ZNF146: variants seen among roughly 807,000 people sequenced by gnomAD.
ZNF146 encodes zinc finger protein OZF.
A neutral mutation model predicts 22.2 loss-of-function variants in ZNF146; 9 were observed. The ratio of observed to expected loss-of-function variants is 0.41; its 90% CI spans 0.24 to 0.71. The LOEUF is 0.71. ZNF146 is among the 30% of genes least tolerant of loss of function. The pLI is 0.34. For missense variants in ZNF146, 194 were observed against 344.8 expected (o/e 0.56, Z 3.46); for synonymous variants, 108 against 119.2 (o/e 0.91, Z 0.61).
At chr19:36,220,886 C>G (rs948965400) in intron 2 of ZNF146, among the ~76,000 whole-genome samples, 4 of 140,922 alleles carry the variant, frequency 2.8e-5, no homozygotes, top group African/African-American at 1.1e-4. Context: ...TTGTCTTACT[C>G]TTTTGCCCAG....
intron 3 of ZNF146, among the ~76,000 whole-genome samples, chr19:36,230,674 C>A (rs1012639856): frequency 2.6e-5 from 4 of 152,092 alleles, no homozygotes; most frequent in Non-Finnish European, 4.4e-5. Context: ...TGATCAGGGC[C>A]GTGGGCTGGA....
In ZNF146 at chr19:36,223,554, G is replaced by A. The variant is rs377603089; in HGVS notation, c.-854-5194G>A. 6.6e-5 allele frequency among the ~76,000 whole-genome samples: 10 copies of A among 151,908 alleles called. 1 individual carries two copies. In the East Asian group the frequency reaches 2.0e-3, roughly 30 times the overall value. ...ATTTTTTCGTATTTTTAGTAGAGAC[G>A]GGGTTTCACCATGTTAGCCAGGATG... On this transcript the variant is annotated intron_variant, in intron 2 of 3. Transcript: ENST00000443387.
Position 36,221,449 on chromosome 19 carries a change from C to T in ZNF146, c.-855+3254C>T, listed in dbSNP as rs185699201. On this transcript the variant is annotated intron_variant, in intron 2 of 3. Coordinates refer to ENST00000443387, the MANE Select transcript of ZNF146 (RefSeq NM_007145.3). ...GACTATAGGTGTCAGCCACCACGCCCGGCTAATTTTTTGTATTTTTAGTAG... is the reference window on the plus strand; with the variant it reads ...GACTATAGGTGTCAGCCACCACGCCTGGCTAATTTTTTGTATTTTTAGTAG... 2.6e-3 allele frequency among the ~76,000 whole-genome samples: 400 copies of T among 151,968 alleles called. 4 individuals are homozygous for T. Among genetic ancestry groups the T allele is most frequent in the African/African-American group, 8.8e-3 (364 of 41,434 alleles).
At chr19:36,231,478 G>A (rs1977368507) in intron 3 of ZNF146, among the ~76,000 whole-genome samples, 1 of 152,124 alleles carries the variant, frequency 6.6e-6, no homozygotes, top group Non-Finnish European at 1.5e-5. Context: ...CAAAGTGCTA[G>A]GATTACAGGC....
At chr19:36,222,309 A>G (rs1386702870) in intron 2 of ZNF146, among the ~76,000 whole-genome samples, 2 of 152,144 alleles carry the variant, frequency 1.3e-5, no homozygotes, top group East Asian at 1.9e-4. Flanking sequence ...TGGATGCACC[A>G]TGGTTGATTC....
chr19:36,232,288 A>G (rs1977415717), intron 3 of ZNF146, among the ~76,000 whole-genome samples: 1 of 151,396 alleles, frequency 6.6e-6, no homozygotes, highest in Admixed American at 6.6e-5. Flanking sequence ...GCCTTTGATT[A>G]TGAAATATTC....
At chr19:36,233,916 G>GGTGTCGGACTGGGGGAC (rs376607392) in intron 3 of ZNF146, among the ~76,000 whole-genome samples, 4,174 of 152,130 alleles carry the variant, frequency 0.027, 162 homozygotes, top group African/African-American at 0.094. Context: ...ACCCTTTACG[G>GGTGTCGGACTGGGGGAC]GTGTCGGACT....
At chr19:36,231,696 G>C (rs1977377045) in intron 3 of ZNF146, among the ~76,000 whole-genome samples, 2 of 152,084 alleles carry the variant, frequency 1.3e-5, no homozygotes, top group African/African-American at 4.8e-5. Flanking sequence ...GATTACCTCA[G>C]ACCAGTTTCA....
At chr19:36,232,975 G>C (rs2918377) in intron 3 of ZNF146, among the ~76,000 whole-genome samples, 96,542 of 152,034 alleles carry the variant, frequency 0.64, 30,856 homozygotes, top group Middle Eastern at 0.71. Flanking sequence ...CATGTGGATT[G>C]AATAATTAAT....
chr19:36,214,777 C>CTCTTATCTCT, upstream of ZNF146: 1 of 152,788 alleles, frequency 6.5e-6, no homozygotes, highest in South Asian at 2.1e-4. Context: ...ATCTCTGAGT[C>CTCTTATCTCT]GGGGCCTGGC....
chr19:36,222,218 C>G (rs572470896), intron 2 of ZNF146, among the ~76,000 whole-genome samples: 1 of 152,224 alleles, frequency 6.6e-6, no homozygotes, highest in Non-Finnish European at 1.5e-5. Flanking sequence ...GCCACTGCAC[C>G]CAGCCAAGGT....
chr19:36,221,642 T>C (rs1185849599), intron 2 of ZNF146, among the ~76,000 whole-genome samples: 2 of 152,176 alleles, frequency 1.3e-5, no homozygotes, highest in Non-Finnish European at 2.9e-5. Context: ...AGTAATGCAT[T>C]TCTGTGATTC....
In ZNF146 at chr19:36,218,443, G is replaced by C. The variant is rs937288135; in HGVS notation, c.-855+248G>C. Among the ~76,000 whole-genome samples the C allele has an allele frequency of 2.0e-5, 3 of 151,704 alleles. No individual in the cohort carries two copies. In the East Asian group the frequency reaches 5.8e-4, roughly 29 times the overall value. On this transcript the variant is annotated intron_variant, in intron 2 of 3. Transcript: ENST00000443387. Reference sequence around the variant, plus strand: ...CTGGTAGGAATTTCTGAAAGAATAAGATATGTAGATGCACTTTTGTTATTA... The same window carrying C: ...CTGGTAGGAATTTCTGAAAGAATAACATATGTAGATGCACTTTTGTTATTA...
At chr19:36,223,598 C>G (rs185372488) in intron 2 of ZNF146, among the ~76,000 whole-genome samples, 1 of 151,968 alleles carries the variant, frequency 6.6e-6, no homozygotes, top group Non-Finnish European at 1.5e-5. Flanking sequence ...CTCCTGACCT[C>G]GTGATCCGCC....
chr19:36,223,155 G>A (rs1205714245), intron 2 of ZNF146, among the ~76,000 whole-genome samples: 6 of 151,718 alleles, frequency 4.0e-5, no homozygotes, highest in East Asian at 4.0e-4. Flanking sequence ...GATGGCTCAC[G>A]CCTGTAATCC....
At position 36,237,362 on chromosome 19, in the gene ZNF146, A is replaced by G. The variant is rs769421161; in HGVS notation, c.*43A>G. The G allele has an allele frequency of 5.8e-6, 9 of 1,546,204 alleles. No homozygotes were observed. Among genetic ancestry groups the G allele is most frequent in the Non-Finnish European group, 7.0e-6 (8 of 1,149,146 alleles). Reference sequence around the variant, plus strand: ...TGAAAGTGGGAAAGCTTTCATTAGAAATTTGCACCTCATCATGCCCCAGAA... The same window carrying G: ...TGAAAGTGGGAAAGCTTTCATTAGAGATTTGCACCTCATCATGCCCCAGAA... On this transcript the variant is annotated 3_prime_UTR_variant, in exon 4 of 4. Transcript: ENST00000443387.
rs574759286 is a variant in ZNF146 at position 36,219,099 on chromosome 19, C to T, written c.-855+904C>T. Among the ~76,000 whole-genome samples, 4 of 152,272 alleles carry T rather than the reference C, an allele frequency of 2.6e-5. No individual in the cohort carries two copies. The East Asian group carries it at 5.8e-4, about 22-fold the overall frequency. On this transcript the variant is annotated intron_variant, in intron 2 of 3. Coordinates refer to ENST00000443387, the MANE Select transcript of ZNF146 (RefSeq NM_007145.3). ...CTGGGATTACAGGCGTGAGCCACTG[C>T]GCCTGGCCACTTAAAATTTTCTGTG...
chr19:36,234,484 C>T (rs1568436465), intron 3 of ZNF146, among the ~76,000 whole-genome samples: 1 of 152,206 alleles, frequency 6.6e-6, no homozygotes, highest in Non-Finnish European at 1.5e-5. Context: ...CCCCAGAATG[C>T]CTTCCATAGT....
chr19:36,215,681 A>G (rs1026190212), intron 1 of ZNF146, among the ~76,000 whole-genome samples: 4 of 151,622 alleles, frequency 2.6e-5, no homozygotes, highest in Non-Finnish European at 5.9e-5. Flanking sequence ...ATTAAACGAG[A>G]GTGTTTCGAA....
Sources: allele counts gnomAD v4.1 joint callset (sites outside exome capture counted in the v4.1 genomes callset), GRCh38; gene constraint gnomAD v4.1.1; transcripts MANE v1.5; gene names NCBI Gene and HGNC (gene_info 2026-07-23, HGNC 2026-07-21).